Variants in SEMA4D observed in about 807,000 individuals in gnomAD.
SEMA4D encodes the protein semaphorin-4D.
Under a neutral mutation model 74.8 loss-of-function variants are expected in SEMA4D, and 22 were observed. The ratio of observed to expected loss-of-function variants is 0.29; its 90% CI spans 0.21 to 0.42. The LOEUF (loss-of-function observed/expected upper bound fraction) is 0.42, where lower values mean the gene tolerates loss of function less well. SEMA4D is among the 10% of genes least tolerant of loss of function. SEMA4D has a pLI of 1.00. For synonymous variants in SEMA4D, 445 were observed against 463.7 expected, an observed-to-expected ratio of 0.96 and a Z score of 0.52; for missense variants, 937 against 1,118.4, an observed-to-expected ratio of 0.84 and a Z score of 2.31.
exon 19 of SEMA4D, chr9:89,361,897 A>G (rs1832790779): frequency 6.1e-6 from 1 of 163,182 alleles, no homozygotes; most frequent in African/African-American, 2.4e-5. Flanking sequence ...TCCTTGGCTA[A>G]GTCTGCAGGG....
rs568907874 is a variant in SEMA4D at position 89,441,923 on chromosome 9, T to C, written c.-244+13965A>G. Reference sequence around the variant, plus strand: ...AGAGGGGCTCATGGCCACGCCCATGTTTGACAGTCCCTCACCAGGCACCCA... The same window carrying C: ...AGAGGGGCTCATGGCCACGCCCATGCTTGACAGTCCCTCACCAGGCACCCA... On this transcript the variant is annotated intron_variant, in intron 2 of 15. Coordinates refer to ENST00000422704, the MANE Select transcript of SEMA4D (RefSeq NM_001371194.2). Among the ~76,000 whole-genome samples the C allele has an allele frequency of 1.2e-4, 19 of 152,312 alleles. No individual in the cohort carries two copies. The South Asian group carries it at 3.9e-3, about 32-fold the overall frequency.
At chr9:89,495,225 C>T (rs1312340361) in intron 1 of SEMA4D, among the ~76,000 whole-genome samples, 2 of 152,158 alleles carry the variant, frequency 1.3e-5, no homozygotes, top group Non-Finnish European at 2.9e-5. Flanking sequence ...AGCTGGGGCC[C>T]CTGCTGTGAC....
chr9:89,424,458 T>C (rs977409956), intron 2 of SEMA4D, among the ~76,000 whole-genome samples: 3 of 152,178 alleles, frequency 2.0e-5, no homozygotes, highest in Non-Finnish European at 2.9e-5. Flanking sequence ...GACCACAACA[T>C]TAGCTTTTAC....
rs1040254802 is a variant in SEMA4D, at chr9:89,381,138, G to T, written c.1619+36C>A. The stretch of plus-strand genomic sequence containing the variant: ...GCACGTGTTATTCACCCACACACAT[G>T]GGGGACATCCCCAGGCAGCGCATCC... On this transcript the variant is annotated intron_variant, in intron 14 of 15. Coordinates refer to ENST00000422704, the MANE Select transcript of SEMA4D (RefSeq NM_001371194.2). This position sits in a 1 kb window ranked among gnomAD's most constrained non-coding sequence, Gnocchi z 4.6. The T allele has an allele frequency of 5.0e-6, 8 of 1,614,102 alleles. No homozygotes were observed. The highest frequency in any genetic ancestry group is 6.8e-6 in the Non-Finnish European group (8 of 1,180,034).
In SEMA4D at chr9:89,381,126, A is replaced by T; in HGVS notation, c.1620-28T>A. The T allele has an allele frequency of 6.2e-7, 1 of 1,614,060 alleles. No individual in the cohort carries two copies. The highest frequency in any genetic ancestry group is 8.5e-7 in the Non-Finnish European group (1 of 1,180,028). On this transcript the variant is annotated intron_variant, in intron 14 of 15. Coordinates refer to ENST00000422704, the MANE Select transcript of SEMA4D (RefSeq NM_001371194.2). This position sits in a 1 kb window ranked among gnomAD's most constrained non-coding sequence, Gnocchi z 4.6. The stretch of plus-strand genomic sequence containing the variant: ...GCAAAACAACCGGCACGTGTTATTC[A>T]CCCACACACATGGGGGACATCCCCA...
At chr9:89,415,171 C>T (rs1373451379) in intron 2 of SEMA4D, among the ~76,000 whole-genome samples, 1 of 152,184 alleles carries the variant, frequency 6.6e-6, no homozygotes, top group African/African-American at 2.4e-5. Context: ...ACAGACAATA[C>T]TGTCTTTTCT....
intron 2 of SEMA4D, among the ~76,000 whole-genome samples, chr9:89,439,139 G>A (rs1041033405): frequency 2.0e-5 from 3 of 151,576 alleles, no homozygotes; most frequent in Middle Eastern, 3.4e-3. Context: ...CCACCACTAC[G>A]CCCGGCTAAT....
rs2136281280 is a variant in SEMA4D, at chr9:89,492,302, G to A, written c.-310+5617C>T. ...CTCCAGGATGCCCTCAGAACCCTCT[G>A]GTTATCCCCTACCTCGCTGGCCGCA... On this transcript the variant is annotated intron_variant, in intron 1 of 15. Transcript: ENST00000422704. This position sits in a 1 kb window ranked among gnomAD's most constrained non-coding sequence, Gnocchi z 4.3. Among the ~76,000 whole-genome samples the A allele has an allele frequency of 6.6e-6, 1 of 152,198 alleles. No individual in the cohort carries two copies. The highest frequency in any genetic ancestry group is 1.5e-5 in the Non-Finnish European group (1 of 68,024).
intron 6 of SEMA4D, among the ~76,000 whole-genome samples, chr9:89,394,903 T>C (rs1444711107): frequency 6.6e-6 from 1 of 152,176 alleles, no homozygotes; most frequent in Non-Finnish European, 1.5e-5. Context: ...AAAACTGAAG[T>C]TACATAGGAA....
chr9:89,426,388 G>C (rs554151779), intron 2 of SEMA4D, among the ~76,000 whole-genome samples: 1 of 152,212 alleles, frequency 6.6e-6, no homozygotes, highest in East Asian at 1.9e-4. Flanking sequence ...ACCACAGCTC[G>C]TAACCAGAAT....
intron 18 of SEMA4D, chr9:89,363,292 T>C: frequency 7.6e-7 from 1 of 1,309,346 alleles, no homozygotes. Context: ...GCAGATTTCA[T>C]AAAGGAAACT....
intron 1 of SEMA4D, among the ~76,000 whole-genome samples, chr9:89,495,062 A>G (rs1270016654): frequency 6.6e-6 from 1 of 152,118 alleles, no homozygotes; most frequent in African/African-American, 2.4e-5. Context: ...CTTAGATGTG[A>G]TCCAGGGCAG....
intron 13 of SEMA4D, chr9:89,385,977 G>C: frequency 3.0e-6 from 3 of 984,022 alleles, no homozygotes; most frequent in Non-Finnish European, 3.6e-6. Context: ...TTCTCTTGTG[G>C]ATTTTCCACG....
intron 3 of SEMA4D, 107 bp from the exon 4 acceptor site, chr9:89,403,123 T>A: frequency 7.6e-7 from 1 of 1,319,004 alleles, no homozygotes; most frequent in Non-Finnish European, 1.1e-6. Context: ...AATGAGCACG[T>A]CTGGGTGCAG....
chr9:89,380,253 G>A (rs994213605), intron 15 of SEMA4D, among the ~76,000 whole-genome samples: 2 of 152,048 alleles, frequency 1.3e-5, no homozygotes, highest in African/African-American at 4.8e-5. Context: ...GGGTAGTCTC[G>A]AACTCCTGAG....
intron 2 of SEMA4D, among the ~76,000 whole-genome samples, chr9:89,415,785 C>G (rs2134057265): frequency 6.6e-6 from 1 of 152,262 alleles, no homozygotes; most frequent in South Asian, 2.1e-4. Flanking sequence ...AGTGGCAATT[C>G]AGGGGCTGCT....
At chr9:89,395,262 C>G (rs1840694406) in intron 6 of SEMA4D, among the ~76,000 whole-genome samples, 1 of 151,946 alleles carries the variant, frequency 6.6e-6, no homozygotes, top group African/African-American at 2.4e-5. Context: ...CCCATCTCTA[C>G]TAAAAATACA....
chr9:89,393,235 G>C (rs1840232639), intron 7 of SEMA4D, among the ~76,000 whole-genome samples: 1 of 152,232 alleles, frequency 6.6e-6, no homozygotes, highest in Admixed American at 6.5e-5. Flanking sequence ...CACTTGCTCA[G>C]AGGTGAGAGA....
At chr9:89,453,604 C>A (rs1265141284) in intron 2 of SEMA4D, among the ~76,000 whole-genome samples, 1 of 152,234 alleles carries the variant, frequency 6.6e-6, no homozygotes, top group African/African-American at 2.4e-5. Flanking sequence ...TAAGCCAGGC[C>A]TCCCAGAACC....
Sources: allele counts gnomAD v4.1 joint callset (sites outside exome capture counted in the v4.1 genomes callset), GRCh38; gene constraint gnomAD v4.1.1; non-coding constraint Gnocchi (gnomAD v3.1); transcripts MANE v1.5; gene names NCBI Gene and HGNC (gene_info 2026-07-23, HGNC 2026-07-21).